Variants in KLHL6 observed in about 807,000 individuals in gnomAD.
KLHL6 encodes the protein kelch like family member 6, also known as kelch-like protein 6.
A neutral mutation model predicts 58.6 loss-of-function variants in KLHL6; 41 were observed. That is an observed-to-expected ratio of 0.70 (90% CI 0.55 to 0.91). KLHL6 has a LOEUF of 0.91. Ranked by LOEUF, KLHL6 falls within the 40% of genes least tolerant of loss-of-function variation. The probability of loss-of-function intolerance (pLI) is 0.00; values close to 1 mark genes in which losing one functional copy is unlikely to be tolerated. For synonymous variants in KLHL6, 338 were observed against 322.7 expected, an observed-to-expected ratio of 1.05 and a Z score of -0.51; for missense variants, 714 against 805.6, an observed-to-expected ratio of 0.89 and a Z score of 1.38.
At chr3:183,518,472 A>G (rs1456471371) in intron 2 of KLHL6, among the ~76,000 whole-genome samples, 3 of 152,168 alleles carry the variant, frequency 2.0e-5, no homozygotes, top group Non-Finnish European at 4.4e-5. Flanking sequence ...CACTTAGAAC[A>G]TGCTTAGTAA....
In KLHL6 at chr3:183,488,964, T is replaced by G. The variant is rs1482220414; in HGVS notation, c.*2963A>C. On this transcript the variant is annotated 3_prime_UTR_variant, in exon 7 of 7. Transcript: ENST00000341319. ...CCACAATTCACCTGCATATCTGGTG[T>G]TGTAAAAAATCATAAAGAGTGTTTC... 2 of 152,304 alleles carry G rather than the reference T, an allele frequency of 1.3e-5. No individual in the cohort carries two copies. The highest frequency in any genetic ancestry group is 2.1e-4 in the South Asian group (1 of 4,828). 9.4% of individuals were successfully genotyped at this position (152,304 alleles called of 1,614,324 possible).
At chr3:183,508,893 A>C (rs1173071493) in intron 2 of KLHL6, among the ~76,000 whole-genome samples, 4 of 152,268 alleles carry the variant, frequency 2.6e-5, no homozygotes, top group Non-Finnish European at 5.9e-5. Context: ...TATTAAATGA[A>C]ATAGAAAATG....
At chr3:183,537,176 G>A (rs76463332) in intron 1 of KLHL6, among the ~76,000 whole-genome samples, 5,474 of 152,192 alleles carry the variant, frequency 0.036, 311 homozygotes, top group African/African-American at 0.12. Flanking sequence ...GGAGATCCAT[G>A]GACACACTCA....
At chr3:183,517,003 G>T (rs950076934) in intron 2 of KLHL6, among the ~76,000 whole-genome samples, 2 of 152,106 alleles carry the variant, frequency 1.3e-5, no homozygotes, top group Non-Finnish European at 2.9e-5. Flanking sequence ...TCACCTCCCG[G>T]GTTCAAGTGA....
At chr3:183,553,394 ACACAGCCAGCGGGCCTGGTC>A (rs1272463827) in intron 1 of KLHL6, among the ~76,000 whole-genome samples, 4 of 152,200 alleles carry the variant, frequency 2.6e-5, no homozygotes, top group Non-Finnish European at 5.9e-5. Flanking sequence ...ACTCGAGGGC[ACACAGCCAGCGGGCCTGGTC>A]CACAGCCAGG....
intron 1 of KLHL6, among the ~76,000 whole-genome samples, chr3:183,531,176 AT>A (rs916166182): frequency 6.6e-6 from 1 of 151,896 alleles, no homozygotes; most frequent in African/African-American, 2.4e-5. Flanking sequence ...CCTAAGGGTG[AT>A]TCAGAGATAA....
chr3:183,533,140 T>C (rs56009610), intron 1 of KLHL6, among the ~76,000 whole-genome samples: 65,918 of 151,958 alleles, frequency 0.43, 16,809 homozygotes, highest in Non-Finnish European at 0.58. Context: ...TCTGGTGATG[T>C]AATTCCAAAC....
intron 3 of KLHL6, among the ~76,000 whole-genome samples, chr3:183,502,044 C>G (rs1717878964): frequency 6.6e-6 from 1 of 152,104 alleles, no homozygotes; most frequent in Non-Finnish European, 1.5e-5. Flanking sequence ...AATCCCAGCA[C>G]TTTGGGAGGT....
intron 1 of KLHL6, chr3:183,544,729 GTCTC>G (rs1264093132): frequency 2.4e-5 from 3 of 127,294 alleles, no homozygotes; most frequent in African/African-American, 5.9e-5. Context: ...TCTATCTTCT[GTCTC>G]TCTCTCTGTC....
intron 2 of KLHL6, among the ~76,000 whole-genome samples, chr3:183,518,338 G>T (rs768450889): frequency 4.6e-5 from 7 of 152,008 alleles, no homozygotes; most frequent in Non-Finnish European, 8.8e-5. Flanking sequence ...TAGCCTGCTC[G>T]CCCACAGAGA....
intron 1 of KLHL6, among the ~76,000 whole-genome samples, chr3:183,534,631 G>A (rs547244647): frequency 6.6e-6 from 1 of 151,768 alleles, no homozygotes; most frequent in East Asian, 2.0e-4. Context: ...TCAAACTCCT[G>A]GGCTCAGGCG....
intron 1 of KLHL6, among the ~76,000 whole-genome samples, chr3:183,546,410 C>T (rs748125082): frequency 8.5e-5 from 13 of 152,216 alleles, no homozygotes; most frequent in Non-Finnish European, 1.6e-4. Flanking sequence ...GCAGCAGCAG[C>T]CTCCAGCTTC....
chr3:183,494,663 C>T (rs927012728), intron 4 of KLHL6, among the ~76,000 whole-genome samples: 9 of 152,092 alleles, frequency 5.9e-5, no homozygotes, highest in South Asian at 2.1e-4. Flanking sequence ...CAAGGCTGGG[C>T]GGGGACAGTG....
At chr3:183,541,778 T>C (rs1253762953) in intron 1 of KLHL6, among the ~76,000 whole-genome samples, 1 of 152,222 alleles carries the variant, frequency 6.6e-6, no homozygotes, top group Non-Finnish European at 1.5e-5. Context: ...GAACATATTT[T>C]AATAATAGCT....
intron 1 of KLHL6, among the ~76,000 whole-genome samples, chr3:183,528,642 T>C (rs781384315): frequency 6.6e-6 from 1 of 152,114 alleles, no homozygotes; most frequent in African/African-American, 2.4e-5. Flanking sequence ...GGGAAGAGGA[T>C]AGAAAGGATG....
chr3:183,553,967 C>A (rs1200270239), intron 1 of KLHL6, among the ~76,000 whole-genome samples: 3 of 149,074 alleles, frequency 2.0e-5, no homozygotes, highest in South Asian at 2.1e-4. Context: ...ACGTTTCCCC[C>A]CAAGCACCTC....
rs892365418 is a variant in KLHL6 at position 183,499,029 on chromosome 3, TC to T, written c.1147+560del. 2.8e-4 allele frequency among the ~76,000 whole-genome samples: 42 copies of T among 152,296 alleles called. No individual in the cohort carries two copies. Among genetic ancestry groups the T allele is most frequent in the African/African-American group, 9.4e-4 (39 of 41,560 alleles). ...GGAAGGACTAGACTTGTCTGCCTCCTCCCCAGGTTTTCTATTAATAGTACAA... is the reference window on the plus strand; with the variant it reads ...GGAAGGACTAGACTTGTCTGCCTCCTCCCAGGTTTTCTATTAATAGTACAA... On this transcript the variant is annotated intron_variant, in intron 4 of 6. Coordinates refer to ENST00000341319, the MANE Select transcript of KLHL6 (RefSeq NM_130446.4). The surrounding 1 kb of genome is among the most constrained non-coding windows in gnomAD (Gnocchi z 4.6).
intron 1 of KLHL6, among the ~76,000 whole-genome samples, chr3:183,546,979 G>A (rs939177352): frequency 8.7e-5 from 13 of 148,662 alleles, no homozygotes; most frequent in African/African-American, 1.2e-4. Flanking sequence ...TGGCATGATC[G>A]CAGCTCTCTG....
rs534402276 is a variant in KLHL6 at position 183,516,376 on chromosome 3, T to C, written c.460-7868A>G. On this transcript the variant is annotated intron_variant, in intron 2 of 6. Transcript: ENST00000341319. ...TCAAGGTAAATTTTCTGTCTCGGCC[T>C]GTCCCGATGACACATGAACTTGTTT... Among the ~76,000 whole-genome samples the C allele has an allele frequency of 2.1e-3, 327 of 152,358 alleles. 5 individuals carry two copies. Among genetic ancestry groups the C allele is most frequent in the Middle Eastern group, 6.8e-3 (2 of 294 alleles).
Sources: allele counts gnomAD v4.1 joint callset (sites outside exome capture counted in the v4.1 genomes callset), GRCh38; gene constraint gnomAD v4.1.1; non-coding constraint Gnocchi (gnomAD v3.1); transcripts MANE v1.5; gene names NCBI Gene and HGNC (gene_info 2026-07-23, HGNC 2026-07-21).